DEXI: variants seen among roughly 807,000 people sequenced by gnomAD.
DEXI encodes the protein Dexi homolog.
DEXI carries 2 observed loss-of-function variants against 2.5 expected under a neutral mutation model. That is an observed-to-expected ratio of 0.81 (90% CI 0.33 to 2.55). DEXI has a LOEUF of 2.55. DEXI is among the 30% of genes most tolerant of loss of function. DEXI has a pLI of 0.11. For synonymous variants in DEXI, 71 were observed against 68.7 expected, an observed-to-expected ratio of 1.03 and a Z score of -0.17; for missense variants, 108 against 130.3, an observed-to-expected ratio of 0.83 and a Z score of 0.83.
Position 10,941,015 on chromosome 16 carries a change from CA to C in DEXI, c.*149+553del, listed in dbSNP as rs1160961158. 2 of 152,248 alleles carry C rather than the reference CA, an allele frequency of 1.3e-5. No individual in the cohort carries two copies. Among genetic ancestry groups the C allele is most frequent in the Non-Finnish European group, 2.9e-5 (2 of 68,064 alleles). The allele number at this position is 152,248 out of a possible 1,614,324, so 9.4% of individuals were successfully genotyped here. ...CCTGACTCCAAAATAGCAGCAAACC[CA>C]AGGCCAAAAGGAAGTACGGGCTTCT... is the stretch of plus-strand genomic sequence containing the variant. On this transcript the variant is annotated intron_variant, in intron 1 of 1. Coordinates refer to ENST00000331808, the MANE Select transcript of DEXI (RefSeq NM_014015.4). The surrounding 1 kb of genome is among the most constrained non-coding windows in gnomAD (Gnocchi z 6.4).
Position 10,941,497 on chromosome 16 carries a change from G to T in DEXI, c.*149+72C>A. The stretch of plus-strand genomic sequence containing the variant: ...AAGCCTGAGGGAGGGGTGTGTATCC[G>T]GCCTGGGAATTCCTCCCTCTCCCTT... On this transcript the variant is annotated intron_variant, in intron 1 of 1. Coordinates refer to ENST00000331808, the MANE Select transcript of DEXI (RefSeq NM_014015.4). This position sits in a 1 kb window ranked among gnomAD's most constrained non-coding sequence, Gnocchi z 6.4. The T allele has an allele frequency of 7.4e-7, 1 of 1,351,692 alleles. No homozygotes were observed. Among genetic ancestry groups the T allele is most frequent in the South Asian group, 1.7e-5 (1 of 57,240 alleles). The allele number at this position is 1,351,692 out of a possible 1,614,324, so 83.7% of individuals were successfully genotyped here. A position where few individuals can be genotyped will look rare whatever the true frequency, so the allele number is the denominator to read the frequency against.
At position 10,934,118 on chromosome 16, in the gene DEXI, C is replaced by G. The variant is rs1003263044; in HGVS notation, c.*150-4559G>C. ...AGCGGGCTTTGTGAAGATGCCTGGT[C>G]TACCACGTGCCTCCAGCTGGTCACG... On this transcript the variant is annotated intron_variant, in intron 1 of 1. Coordinates refer to ENST00000331808, the MANE Select transcript of DEXI (RefSeq NM_014015.4). This position sits in a 1 kb window ranked among gnomAD's most constrained non-coding sequence, Gnocchi z 4.2. The G allele has an allele frequency of 2.0e-5, 3 of 152,238 alleles. No homozygotes were observed. In the South Asian group the frequency reaches 6.2e-4, roughly 31 times the overall value. The allele number at this position is 152,238 out of a possible 1,614,324, so 9.4% of individuals were successfully genotyped here.
In DEXI at chr16:10,934,904, C is replaced by A. The variant is rs1367997983; in HGVS notation, c.*150-5345G>T. The A allele has an allele frequency of 6.6e-6, 1 of 152,238 alleles. No homozygotes were observed. Among genetic ancestry groups the A allele is most frequent in the Non-Finnish European group, 1.5e-5 (1 of 68,036 alleles). The allele number at this position is 152,238 out of a possible 1,614,324, so 9.4% of individuals were successfully genotyped here. On this transcript the variant is annotated intron_variant, in intron 1 of 1. Transcript: ENST00000331808. This position sits in a 1 kb window ranked among gnomAD's most constrained non-coding sequence, Gnocchi z 4.2. ...TGGGCTACTTCAAAGGCTGCCCACA[C>A]AGACACACCCTCCTTGGTAACCAGT... is the stretch of plus-strand genomic sequence containing the variant.
In DEXI at chr16:10,929,199, C is replaced by T. The variant is rs1307308447; in HGVS notation, c.*510G>A. 42 of 985,542 alleles carry T rather than the reference C, an allele frequency of 4.3e-5. No homozygotes were observed. Among genetic ancestry groups the T allele is most frequent in the Non-Finnish European group, 4.9e-5 (41 of 829,834 alleles). 61.0% of individuals were successfully genotyped at this position (985,542 alleles called of 1,614,324 possible). A position where few individuals can be genotyped will look rare whatever the true frequency, so the allele number is the denominator to read the frequency against. On this transcript the variant is annotated 3_prime_UTR_variant, in exon 2 of 2. Coordinates refer to ENST00000331808, the MANE Select transcript of DEXI (RefSeq NM_014015.4). The surrounding 1 kb of genome is among the most constrained non-coding windows in gnomAD (Gnocchi z 4.3). Reference sequence around the variant, plus strand: ...CCAGCCTCGGGCTAAACCCAGCTGGCCTGAAGGCTCAACTCACATCAAACG... The same window carrying T: ...CCAGCCTCGGGCTAAACCCAGCTGGTCTGAAGGCTCAACTCACATCAAACG...
intron 1 of DEXI, chr16:10,936,364 G>A (rs895906535): frequency 7.9e-5 from 12 of 152,210 alleles, no homozygotes; most frequent in African/African-American, 2.6e-4. Context: ...CTTGTTCTAA[G>A]GAAATAAATA....
rs1387290045 is a variant in DEXI, at chr16:10,938,124, C to T, written c.*149+3445G>A. 1 of 152,214 alleles carries T rather than the reference C, an allele frequency of 6.6e-6. No homozygotes were observed. The highest frequency in any genetic ancestry group is 1.5e-5 in the Non-Finnish European group (1 of 68,044). 9.4% of individuals were successfully genotyped at this position (152,214 alleles called of 1,614,324 possible). ...ATATTAATACATCTCTTACTATATA[C>T]AAGGAGATCTAAGTGCTTTATGTAT... is the stretch of plus-strand genomic sequence containing the variant. On this transcript the variant is annotated intron_variant, in intron 1 of 1. Coordinates refer to ENST00000331808, the MANE Select transcript of DEXI (RefSeq NM_014015.4). The surrounding 1 kb of genome is among the most constrained non-coding windows in gnomAD (Gnocchi z 4.9).
At chr16:10,936,283 T>C (rs1247407871) in intron 1 of DEXI, 1 of 152,198 alleles carries the variant, frequency 6.6e-6, no homozygotes, top group African/African-American at 2.4e-5. Context: ...AGATTGGTCA[T>C]AGGATTGTAT....
rs751650005 is a variant in DEXI, at chr16:10,941,838, G to A, written c.168C>T (p.Leu56=). The A allele has an allele frequency of 5.0e-6, 8 of 1,613,178 alleles. No individual in the cohort carries two copies. The East Asian group carries it at 1.3e-4, about 27-fold the overall frequency. ...LMEYIVLNVG[L]VFLPEDMDQA... ...GGTCCATGTCCTCGGGCAGGAAGACGAGGCCCACGTTGAGGACGATGTACT... is the reference window on the plus strand; with the variant it reads ...GGTCCATGTCCTCGGGCAGGAAGACAAGGCCCACGTTGAGGACGATGTACT... Residue 56 remains leucine, a synonymous_variant, in exon 1 of 2, where the codon CTC becomes CTT. Coordinates refer to ENST00000331808, the MANE Select transcript of DEXI (RefSeq NM_014015.4). This position sits in a 1 kb window ranked among gnomAD's most constrained non-coding sequence, Gnocchi z 6.4.
In DEXI at chr16:10,939,984, G is replaced by C. The variant is rs2041079107; in HGVS notation, c.*149+1585C>G. 6.6e-6 allele frequency: 1 copy of C among 152,422 alleles called. No homozygotes were observed. Among genetic ancestry groups the C allele is most frequent in the Non-Finnish European group, 1.5e-5 (1 of 68,180 alleles). The allele number at this position is 152,422 out of a possible 1,614,324, so 9.4% of individuals were successfully genotyped here. A position where few individuals can be genotyped will look rare whatever the true frequency, so the allele number is the denominator to read the frequency against. ...CGGATGGATGGCAGGCAGGCAGGCA[G>C]GCTGGGGAGGTGTGCAGAGCACCTG... On this transcript the variant is annotated intron_variant, in intron 1 of 1. Transcript: ENST00000331808. The surrounding 1 kb of genome is among the most constrained non-coding windows in gnomAD (Gnocchi z 4.9).
chr16:10,941,486 G>C lies in DEXI; in HGVS notation c.*149+83C>G. ...GAACGGAGGAGAAGCCTGAGGGAGG[G>C]GTGTGTATCCGGCCTGGGAATTCCT... On this transcript the variant is annotated intron_variant, in intron 1 of 1. Coordinates refer to ENST00000331808, the MANE Select transcript of DEXI (RefSeq NM_014015.4). The surrounding 1 kb of genome is among the most constrained non-coding windows in gnomAD (Gnocchi z 6.4). 3.1e-6 allele frequency: 4 copies of C among 1,297,760 alleles called. No homozygotes were observed. Among genetic ancestry groups the C allele is most frequent in the Non-Finnish European group, 4.0e-6 (4 of 1,001,248 alleles). The allele number at this position is 1,297,760 out of a possible 1,614,324, so 80.4% of individuals were successfully genotyped here.
rs1016811715 is a variant in DEXI, at chr16:10,942,354, C to G, written c.-349G>C. ...CCCACCGCGGCTCAGTGTCTAGGGCCGGTCCCGGCAGCCTTCTCTCCCGCC... is the reference window on the plus strand; with the variant it reads ...CCCACCGCGGCTCAGTGTCTAGGGCGGGTCCCGGCAGCCTTCTCTCCCGCC... On this transcript the variant is annotated 5_prime_UTR_variant, in exon 1 of 2. Transcript: ENST00000331808. This position sits in a 1 kb window ranked among gnomAD's most constrained non-coding sequence, Gnocchi z 5.0. The G allele has an allele frequency of 5.0e-6, 1 of 200,024 alleles. No homozygotes were observed. Among genetic ancestry groups the G allele is most frequent in the Non-Finnish European group, 1.0e-5 (1 of 97,920 alleles). 12.4% of individuals were successfully genotyped at this position (200,024 alleles called of 1,614,324 possible). A position where few individuals can be genotyped will look rare whatever the true frequency, so the allele number is the denominator to read the frequency against.
In DEXI at chr16:10,940,428, G is replaced by A. The variant is rs1303879944; in HGVS notation, c.*149+1141C>T. ...AAGCCAGGTAATGCAGGAGAGGGGTGGACTCAGCCTGCTTGCGGTGAATGG... is the reference window on the plus strand; with the variant it reads ...AAGCCAGGTAATGCAGGAGAGGGGTAGACTCAGCCTGCTTGCGGTGAATGG... On this transcript the variant is annotated intron_variant, in intron 1 of 1. Coordinates refer to ENST00000331808, the MANE Select transcript of DEXI (RefSeq NM_014015.4). This position sits in a 1 kb window ranked among gnomAD's most constrained non-coding sequence, Gnocchi z 4.2. 1 of 152,256 alleles carries A rather than the reference G, an allele frequency of 6.6e-6. No homozygotes were observed. The highest frequency in any genetic ancestry group is 2.4e-5 in the African/African-American group (1 of 41,466). The allele number at this position is 152,256 out of a possible 1,614,324, so 9.4% of individuals were successfully genotyped here. A position where few individuals can be genotyped will look rare whatever the true frequency, so the allele number is the denominator to read the frequency against.
intron 1 of DEXI, chr16:10,935,623 G>A (rs1306722352): frequency 1.3e-5 from 2 of 152,228 alleles, no homozygotes; most frequent in East Asian, 3.8e-4. Context: ...TGACAGTGGA[G>A]AGACCTGGCA....
In DEXI at chr16:10,940,210, A is replaced by G. The variant is rs2041083395; in HGVS notation, c.*149+1359T>C. The G allele has an allele frequency of 6.6e-6, 1 of 152,202 alleles. No homozygotes were observed. The highest frequency in any genetic ancestry group is 2.4e-5 in the African/African-American group (1 of 41,432). The allele number at this position is 152,202 out of a possible 1,614,324, so 9.4% of individuals were successfully genotyped here. On this transcript the variant is annotated intron_variant, in intron 1 of 1. Coordinates refer to ENST00000331808, the MANE Select transcript of DEXI (RefSeq NM_014015.4). The surrounding 1 kb of genome is among the most constrained non-coding windows in gnomAD (Gnocchi z 4.2). ...GTCTCCTCAAACTTCATATGTTGAA[A>G]CTCTGATCCCAAATGATGGTATTGC...
At chr16:10,932,851 C>CT (rs1426450696) in intron 1 of DEXI, 2 of 152,092 alleles carry the variant, frequency 1.3e-5, no homozygotes, top group East Asian at 3.9e-4. Context: ...CCATGCCTGG[C>CT]TAATTGATGT....
In DEXI at chr16:10,929,255, A is replaced by C. The variant is rs1455320046; in HGVS notation, c.*454T>G. The C allele has an allele frequency of 4.0e-5, 39 of 985,756 alleles. No individual in the cohort carries two copies. Among genetic ancestry groups the C allele is most frequent in the Non-Finnish European group, 4.5e-5 (37 of 829,966 alleles). 61.1% of individuals were successfully genotyped at this position (985,756 alleles called of 1,614,324 possible). A position where few individuals can be genotyped will look rare whatever the true frequency, so the allele number is the denominator to read the frequency against. On this transcript the variant is annotated 3_prime_UTR_variant, in exon 2 of 2. Transcript: ENST00000331808. The surrounding 1 kb of genome is among the most constrained non-coding windows in gnomAD (Gnocchi z 4.3). Reference sequence around the variant, plus strand: ...GGGAGTCGCTTTTGCGTGTGTCCGCAGTTTGAAGTGTCCTCTCCGAAGGTG... The same window carrying C: ...GGGAGTCGCTTTTGCGTGTGTCCGCCGTTTGAAGTGTCCTCTCCGAAGGTG...
chr16:10,929,527 T>C lies in DEXI; in HGVS notation c.*182A>G, dbSNP rs1251850613. ...TCTCCTGGGTTCAAACAGGAACCTC[T>C]CTGTTGGCACGAAGCTTTTGAGGGG... is the stretch of plus-strand genomic sequence containing the variant. On this transcript the variant is annotated 3_prime_UTR_variant, in exon 2 of 2. Coordinates refer to ENST00000331808, the MANE Select transcript of DEXI (RefSeq NM_014015.4). The surrounding 1 kb of genome is among the most constrained non-coding windows in gnomAD (Gnocchi z 4.3). The C allele has an allele frequency of 3.0e-6, 3 of 985,412 alleles. No individual in the cohort carries two copies. The African/African-American group carries it at 5.2e-5, about 17-fold the overall frequency. 61.0% of individuals were successfully genotyped at this position (985,412 alleles called of 1,614,324 possible).
intron 1 of DEXI, chr16:10,935,956 C>T (rs2041006122): frequency 1.3e-5 from 2 of 151,812 alleles, no homozygotes; most frequent in East Asian, 3.9e-4. Flanking sequence ...TCAACTCTCC[C>T]CTTTTTATTG....
At position 10,929,181 on chromosome 16, in the gene DEXI, C is replaced by T. The variant is rs557751884; in HGVS notation, c.*528G>A. Reference sequence around the variant, plus strand: ...CAGTCGCTGCATCTAAGACCAGCCTCGGGCTAAACCCAGCTGGCCTGAAGG... The same window carrying T: ...CAGTCGCTGCATCTAAGACCAGCCTTGGGCTAAACCCAGCTGGCCTGAAGG... On this transcript the variant is annotated 3_prime_UTR_variant, in exon 2 of 2. Coordinates refer to ENST00000331808, the MANE Select transcript of DEXI (RefSeq NM_014015.4). This position sits in a 1 kb window ranked among gnomAD's most constrained non-coding sequence, Gnocchi z 4.3. 2.5e-4 allele frequency: 247 copies of T among 982,264 alleles called. 2 individuals are homozygous for T. In the South Asian group the frequency reaches 9.1e-3, roughly 36 times the overall value. 60.8% of individuals were successfully genotyped at this position (982,264 alleles called of 1,614,324 possible).
Sources: allele counts gnomAD v4.1 joint callset, GRCh38; gene constraint gnomAD v4.1.1; non-coding constraint Gnocchi (gnomAD v3.1); transcripts MANE v1.5; gene names NCBI Gene and HGNC (gene_info 2026-07-23, HGNC 2026-07-21).